Variants in LCP2 observed in about 807,000 individuals in gnomAD.
LCP2 encodes the protein 76 kDa tyrosine phosphoprotein.
Under a neutral mutation model 74.5 loss-of-function variants are expected in LCP2, and 29 were observed. That is an observed-to-expected ratio of 0.39 (90% confidence interval 0.29 to 0.53). The LOEUF (loss-of-function observed/expected upper bound fraction) is 0.53, where lower values mean the gene tolerates loss of function less well. LCP2 is among the 20% of genes least tolerant of loss of function. The probability of loss-of-function intolerance (pLI) is 0.72; values close to 1 mark genes in which losing one functional copy is unlikely to be tolerated. For missense variants in LCP2, 604 were observed against 634.6 expected (o/e 0.95, Z 0.52); for synonymous variants, 228 against 229.5 (o/e 0.99, Z 0.06).
At chr5:170,263,244 G>A (rs573297461) in intron 10 of LCP2, among the ~76,000 whole-genome samples, 18 of 152,266 alleles carry the variant, frequency 1.2e-4, no homozygotes, top group Admixed American at 3.9e-4. Flanking sequence ...AAGTAGTGTT[G>A]TGGATTCTGT....
intron 6 of LCP2, 103 bp from the exon 7 acceptor site, chr5:170,271,020 C>G: frequency 9.8e-7 from 1 of 1,019,398 alleles, no homozygotes; most frequent in Non-Finnish European, 1.4e-6. Flanking sequence ...CAGTATAACC[C>G]GGGACCAGGC....
chr5:170,289,642 T>TC (rs1762246346), intron 2 of LCP2, among the ~76,000 whole-genome samples: 1 of 110,062 alleles, frequency 9.1e-6, no homozygotes, highest in African/African-American at 3.9e-5. Flanking sequence ...TCTTTCTTTC[T>TC]TTCTTTCTTT....
intron 7 of LCP2, chr5:170,270,441 T>C (rs1561971743): frequency 5.3e-6 from 2 of 378,502 alleles, no homozygotes; most frequent in Non-Finnish European, 9.4e-6. Flanking sequence ...AATGCTGATA[T>C]CAGCCACCAT....
At chr5:170,262,775 C>A in intron 12 of LCP2, 33 bp from the exon 13 acceptor site, 1 of 1,613,468 alleles carries the variant, frequency 6.2e-7, no homozygotes, top group South Asian at 1.1e-5. Context: ...GTGTAAGAAA[C>A]AAACTTTGCC....
chr5:170,271,266 G>A (rs1761893285), intron 6 of LCP2, among the ~76,000 whole-genome samples: 1 of 152,206 alleles, frequency 6.6e-6, no homozygotes, highest in Non-Finnish European at 1.5e-5. Context: ...GCATCACCAT[G>A]AGAAAGACTA....
chr5:170,278,651 C>G (rs1166692826), intron 3 of LCP2, among the ~76,000 whole-genome samples: 1 of 152,112 alleles, frequency 6.6e-6, no homozygotes, highest in East Asian at 1.9e-4. Flanking sequence ...CAGAGTTTGA[C>G]AGGGCTCTGA....
At chr5:170,281,171 C>G (rs1012098599) in intron 3 of LCP2, among the ~76,000 whole-genome samples, 1 of 152,074 alleles carries the variant, frequency 6.6e-6, no homozygotes. Flanking sequence ...GTGGCAGGGC[C>G]CTTGAGGACT....
At chr5:170,267,522 A>G (rs1286928024) in intron 8 of LCP2, among the ~76,000 whole-genome samples, 2 of 151,678 alleles carry the variant, frequency 1.3e-5, no homozygotes, top group African/African-American at 4.9e-5. Context: ...TCTGCCTAGA[A>G]CGTTCTTCTC....
chr5:170,289,661 CTTTCTTTCTTT>C (rs1762249526), intron 2 of LCP2, among the ~76,000 whole-genome samples: 1 of 119,106 alleles, frequency 8.4e-6, no homozygotes, highest in African/African-American at 3.4e-5. Context: ...TTCTTTCTTT[CTTTCTTTCTTT>C]CTCTCTCTCT....
rs564432561 is a variant in LCP2 at position 170,256,426 on chromosome 5, G to A, written c.1150+100C>T. ...GAATGAGGAAATCAGATGCTTTTAG[G>A]AAACAATAAAACCTTTGTCGAAAGC... is the stretch of plus-strand genomic sequence containing the variant. On this transcript the variant is annotated intron_variant, in intron 17 of 20. Transcript: ENST00000046794. The surrounding 1 kb of genome is among the most constrained non-coding windows in gnomAD (Gnocchi z 4.5). 25 of 948,844 alleles carry A rather than the reference G, an allele frequency of 2.6e-5. No homozygotes were observed. The South Asian group carries it at 3.4e-4, about 13-fold the overall frequency. The allele number at this position is 948,844 out of a possible 1,614,324, so 58.8% of individuals were successfully genotyped here.
chr5:170,285,122 A>G (rs190473536), intron 3 of LCP2, among the ~76,000 whole-genome samples: 2 of 152,180 alleles, frequency 1.3e-5, no homozygotes, highest in Non-Finnish European at 2.9e-5. Context: ...AATTTCTATT[A>G]CTGTATCTTC....
chr5:170,275,296 A>C, intron 5 of LCP2, 24 bp downstream of exon 5: 1 of 1,613,666 alleles, frequency 6.2e-7, no homozygotes, highest in Non-Finnish European at 8.5e-7. Context: ...TAAAGCAATC[A>C]CCTCTGAGCC....
At chr5:170,249,203 T>C (rs1456352085) in intron 20 of LCP2, among the ~76,000 whole-genome samples, 2 of 151,886 alleles carry the variant, frequency 1.3e-5, no homozygotes, top group South Asian at 2.1e-4. Context: ...TGTGCGCCTG[T>C]AATCCCAGCT....
intron 13 of LCP2, among the ~76,000 whole-genome samples, chr5:170,261,838 G>C (rs1210123701): frequency 6.6e-6 from 1 of 152,218 alleles, no homozygotes; most frequent in Non-Finnish European, 1.5e-5. Context: ...CTGTGTGTCA[G>C]ACGCTTCACA....
chr5:170,278,528 CA>C (rs2113195627), intron 3 of LCP2, among the ~76,000 whole-genome samples: 1 of 135,820 alleles, frequency 7.4e-6, no homozygotes, highest in South Asian at 2.4e-4. Flanking sequence ...GATGGGAGTG[CA>C]GGGGTGGGAT....
chr5:170,253,022 G>A (rs1761479881), intron 18 of LCP2, 97 bp downstream of exon 18: 1 of 709,196 alleles, frequency 1.4e-6, no homozygotes, highest in African/African-American at 1.8e-5. Context: ...AAAACAAAGG[G>A]AAGATAAAAG....
chr5:170,294,233 G>T (rs1046853241), intron 1 of LCP2, among the ~76,000 whole-genome samples: 2 of 152,164 alleles, frequency 1.3e-5, no homozygotes, highest in Admixed American at 1.3e-4. Context: ...TCATTTGTTT[G>T]CAGTACCTCA....
chr5:170,281,287 C>CTT (rs146088091), intron 3 of LCP2, among the ~76,000 whole-genome samples: 26 of 149,228 alleles, frequency 1.7e-4, no homozygotes, highest in South Asian at 8.5e-4. Flanking sequence ...GGCCATATTT[C>CTT]TTTTTTTTTT....
intron 3 of LCP2, 125 bp from the exon 4 acceptor site, chr5:170,275,985 C>T: frequency 2.8e-6 from 2 of 726,978 alleles, no homozygotes; most frequent in South Asian, 1.6e-5. Flanking sequence ...CCAGGCTCCT[C>T]TTTGTCACCT....
Sources: gnomAD v4.1 joint callset for allele counts (sites outside exome capture counted in the v4.1 genomes callset) on GRCh38, gnomAD v4.1.1 for gene constraint, Gnocchi (gnomAD v3.1) non-coding constraint, MANE v1.5 for transcripts, NCBI Gene and HGNC (gene_info 2026-07-23, HGNC 2026-07-21) for gene names.